SLIT3: variants seen among roughly 807,000 people sequenced by gnomAD.
SLIT3 encodes slit guidance ligand 3.
A neutral mutation model predicts 184.0 loss-of-function variants in SLIT3; 68 were observed. The observed-to-expected ratio is 0.37, with a 90% CI of 0.30 to 0.45. SLIT3 has a LOEUF of 0.45. Among genes scored for constraint, SLIT3 ranks in the 20% least tolerant of loss-of-function variants. SLIT3 has a pLI of 1.00. For missense variants in SLIT3, 1,707 were observed against 2,026.0 expected (o/e 0.84, Z 3.02); for synonymous variants, 831 against 828.6 (o/e 1.00, Z -0.05).
At chr5:168,780,313 G>A (rs1285897393) in intron 12 of SLIT3, among the ~76,000 whole-genome samples, 1 of 152,240 alleles carries the variant, frequency 6.6e-6, no homozygotes, top group Admixed American at 6.5e-5. Context: ...CAGGAGAATG[G>A]ATGAAGCTCT....
chr5:169,159,477 T>C (rs954152011), intron 4 of SLIT3, among the ~76,000 whole-genome samples: 14 of 150,794 alleles, frequency 9.3e-5, no homozygotes, highest in Middle Eastern at 3.2e-3. Flanking sequence ...GTAGATTTTT[T>C]TAAAAAGCAT....
intron 4 of SLIT3, among the ~76,000 whole-genome samples, chr5:169,085,411 C>T (rs1489438833): frequency 2.0e-5 from 3 of 152,136 alleles, no homozygotes; most frequent in Admixed American, 6.5e-5. Context: ...TTCCAGCAGT[C>T]AATTAATCCC....
At chr5:169,244,930 T>C (rs1476128649) in intron 2 of SLIT3, among the ~76,000 whole-genome samples, 154 bp from the exon 3 acceptor site, 1 of 152,222 alleles carries the variant, frequency 6.6e-6, no homozygotes, top group Non-Finnish European at 1.5e-5. Context: ...AGATAACTCA[T>C]ATCCCAGCTT....
chr5:168,960,287 G>A (rs917027700), intron 4 of SLIT3, among the ~76,000 whole-genome samples: 2 of 152,208 alleles, frequency 1.3e-5, no homozygotes, highest in African/African-American at 2.4e-5. Flanking sequence ...ATAGAATCCA[G>A]AAGGCAGAAG....
At chr5:168,886,680 G>A (rs551663613) in intron 4 of SLIT3, among the ~76,000 whole-genome samples, 1 of 152,138 alleles carries the variant, frequency 6.6e-6, no homozygotes, top group East Asian at 1.9e-4. Flanking sequence ...GGGTGCAGGA[G>A]TGGGAGGTGT....
intron 6 of SLIT3, among the ~76,000 whole-genome samples, chr5:168,833,663 G>A (rs1429993688): frequency 2.6e-5 from 4 of 152,216 alleles, no homozygotes; most frequent in Admixed American, 2.6e-4. Flanking sequence ...GGACATGAAA[G>A]CTGGCTTCAC....
intron 22 of SLIT3, 45 bp downstream of exon 22, chr5:168,722,888 G>A: frequency 1.4e-6 from 2 of 1,444,622 alleles, no homozygotes; most frequent in Non-Finnish European, 1.9e-6. Flanking sequence ...ACCATCTACT[G>A]CTAGGCCCAA....
chr5:169,175,951 C>T (rs2113429188), intron 4 of SLIT3, among the ~76,000 whole-genome samples: 1 of 152,320 alleles, frequency 6.6e-6, no homozygotes, highest in Admixed American at 6.5e-5. Context: ...GCTCTCTCTC[C>T]AGCAGTCAGC....
intron 4 of SLIT3, among the ~76,000 whole-genome samples, chr5:169,163,099 G>A (rs1034206804): frequency 1.3e-5 from 2 of 152,044 alleles, no homozygotes; most frequent in Admixed American, 1.3e-4. Context: ...GAGGTGGGTG[G>A]ATCATGAGGT....
chr5:168,722,211 C>CA, intron 23 of SLIT3, 45 bp downstream of exon 23: 1 of 1,556,340 alleles, frequency 6.4e-7, no homozygotes, highest in Non-Finnish European at 8.9e-7. Flanking sequence ...TTCCTGCTGT[C>CA]ACTCAGCAAT....
At chr5:168,692,753 G>T (rs1761947017) in intron 28 of SLIT3, 53 bp from the exon 29 acceptor site, 2 of 1,337,282 alleles carry the variant, frequency 1.5e-6, no homozygotes, top group Non-Finnish European at 1.1e-6. Flanking sequence ...GGGATGCCCT[G>T]GCCAGAAGAT....
chr5:168,842,146 G>C (rs1014723438), intron 6 of SLIT3, among the ~76,000 whole-genome samples: 1 of 152,184 alleles, frequency 6.6e-6, no homozygotes, highest in African/African-American at 2.4e-5. Flanking sequence ...TCTTTAAATG[G>C]AGATGTCAGC....
intron 4 of SLIT3, among the ~76,000 whole-genome samples, chr5:169,177,315 T>G (rs939026832): frequency 6.6e-6 from 1 of 152,278 alleles, no homozygotes; most frequent in Non-Finnish European, 1.5e-5. Context: ...GATTAAGTCA[T>G]GAGAGTATCT....
intron 17 of SLIT3, 107 bp from the exon 18 acceptor site, chr5:168,753,205 T>A (rs1459194550): frequency 1.7e-6 from 2 of 1,211,766 alleles, no homozygotes; most frequent in Non-Finnish European, 2.3e-6. Flanking sequence ...TTTTGCCAAT[T>A]CTAAGCTCAG....
intron 4 of SLIT3, among the ~76,000 whole-genome samples, chr5:168,891,436 T>C (rs1019579509): frequency 6.6e-6 from 1 of 152,182 alleles, no homozygotes; most frequent in Non-Finnish European, 1.5e-5. Flanking sequence ...ACTTTGTCCT[T>C]GGACTCCTTC....
chr5:169,202,150 T>G (rs1261490181), intron 3 of SLIT3, among the ~76,000 whole-genome samples: 2 of 152,090 alleles, frequency 1.3e-5, no homozygotes, highest in Non-Finnish European at 2.9e-5. Context: ...GAGGATTGCT[T>G]AAGCTTGGGA....
intron 4 of SLIT3, among the ~76,000 whole-genome samples, chr5:168,905,802 T>C (rs1761031644): frequency 6.6e-6 from 1 of 152,152 alleles, no homozygotes; most frequent in South Asian, 2.1e-4. Flanking sequence ...CTTTCCACCA[T>C]CACCCATTTA....
chr5:168,897,198 G>A (rs1452740807), intron 4 of SLIT3, among the ~76,000 whole-genome samples: 3 of 152,092 alleles, frequency 2.0e-5, no homozygotes, highest in Non-Finnish European at 4.4e-5. Flanking sequence ...ACAGTCCCTG[G>A]GAGCGGACAA....
At chr5:169,208,522 T>G (rs1226779739) in intron 3 of SLIT3, among the ~76,000 whole-genome samples, 1 of 152,144 alleles carries the variant, frequency 6.6e-6, no homozygotes, top group Non-Finnish European at 1.5e-5. Flanking sequence ...TCATGCTACC[T>G]GACTTCAAAC....
Sources: allele counts gnomAD v4.1 joint callset (sites outside exome capture counted in the v4.1 genomes callset), GRCh38; gene constraint gnomAD v4.1.1; transcripts MANE v1.5; gene names NCBI Gene and HGNC (gene_info 2026-07-23, HGNC 2026-07-21).